The following DNM3 variants were observed in gnomAD, a reference collection of about 807,000 sequenced individuals.
DNM3 encodes the protein dynamin 3.
In DNM3, 47 loss-of-function variants were observed where a neutral mutation model predicts 101.6. That is an observed-to-expected ratio of 0.46 (90% CI 0.37 to 0.59). The LOEUF is 0.59. Ranked by LOEUF, DNM3 falls within the 20% of genes least tolerant of loss-of-function variation. The pLI is 0.00. For synonymous variants in DNM3, 385 were observed against 387.9 expected (o/e 0.99, Z 0.09); for missense variants, 849 against 1,085.7 (o/e 0.78, Z 3.06).
At chr1:171,854,888 T>G (rs1199657416) in intron 1 of DNM3, among the ~76,000 whole-genome samples, 1 of 152,052 alleles carries the variant, frequency 6.6e-6, no homozygotes, top group Non-Finnish European at 1.5e-5. Context: ...TTTTTAAAAA[T>G]TATTATTTTA....
chr1:172,399,020 T>C (rs2070251208), intron 20 of DNM3, among the ~76,000 whole-genome samples: 1 of 152,156 alleles, frequency 6.6e-6, no homozygotes, highest in Non-Finnish European at 1.5e-5. Context: ...CTGTCCAAAA[T>C]GGAAAGGCTT....
chr1:172,132,922 C>A, intron 14 of DNM3: 1 of 1,319,788 alleles, frequency 7.6e-7, no homozygotes, highest in Admixed American at 2.0e-5. Flanking sequence ...ACCAACTTAC[C>A]AAAGTCACAC....
chr1:172,057,486 A>G (rs1185161221), intron 10 of DNM3, among the ~76,000 whole-genome samples: 2 of 152,272 alleles, frequency 1.3e-5, no homozygotes, highest in Non-Finnish European at 1.5e-5. Flanking sequence ...TCAGACTAAC[A>G]GCGGATCTCT....
intron 16 of DNM3, among the ~76,000 whole-genome samples, chr1:172,319,933 A>G (rs1473421668): frequency 2.0e-5 from 3 of 152,100 alleles, no homozygotes; most frequent in African/African-American, 4.8e-5. Flanking sequence ...ACATGCACAC[A>G]TATGTTTATT....
intron 13 of DNM3, chr1:172,093,607 C>T: frequency 3.4e-6 from 4 of 1,172,506 alleles, no homozygotes; most frequent in East Asian, 5.0e-5. Context: ...ATTTTTTTCC[C>T]ATTGTTTTGA....
At chr1:172,114,339 CAT>C (rs1386832165) in intron 13 of DNM3, among the ~76,000 whole-genome samples, 5 of 152,168 alleles carry the variant, frequency 3.3e-5, no homozygotes, top group Non-Finnish European at 5.9e-5. Flanking sequence ...GCGGCTGAAA[CAT>C]GTGGCAAAGA....
chr1:172,127,892 G>A (rs1004760524), intron 13 of DNM3, among the ~76,000 whole-genome samples: 1 of 152,224 alleles, frequency 6.6e-6, no homozygotes, highest in African/African-American at 2.4e-5. Context: ...CCCAGTCACT[G>A]TCTCCATTTT....
chr1:171,852,389 T>A (rs1295053871), intron 1 of DNM3, among the ~76,000 whole-genome samples: 1 of 152,224 alleles, frequency 6.6e-6, no homozygotes, highest in Admixed American at 6.5e-5. Context: ...GATGGATTTG[T>A]CCATTTACTG....
rs557514074 is a variant in DNM3, at chr1:171,906,452, G to A, written c.162-15296G>A. Among the ~76,000 whole-genome samples the A allele has an allele frequency of 4.7e-4, 70 of 150,134 alleles. 1 individual carries two copies. The highest frequency in any genetic ancestry group is 1.6e-3 in the African/African-American group (66 of 40,912). ...CAACAAAACTTTTTTTTTTTTGCCC[G>A]ACCCCCAGCAACAAAACTTTTGATT... On this transcript the variant is annotated intron_variant, in intron 1 of 20. Coordinates refer to ENST00000627582, the MANE Select transcript of DNM3 (RefSeq NM_015569.5).
At chr1:171,858,209 A>G (rs2033814358) in intron 1 of DNM3, among the ~76,000 whole-genome samples, 1 of 152,188 alleles carries the variant, frequency 6.6e-6, no homozygotes, top group African/African-American at 2.4e-5. Context: ...AGTGAGGATC[A>G]TGTGTTTAAG....
rs539279558 is a variant in DNM3, at chr1:171,862,379, A to G, written c.161+20562A>G. 1.5e-4 allele frequency among the ~76,000 whole-genome samples: 23 copies of G among 152,344 alleles called. No homozygotes were observed. In the South Asian group the frequency reaches 2.3e-3, roughly 15 times the overall value. On this transcript the variant is annotated intron_variant, in intron 1 of 20. Coordinates refer to ENST00000627582, the MANE Select transcript of DNM3 (RefSeq NM_015569.5). ...AATGAATAAACAAAATGTGACATAC[A>G]TTGAATACAATGGAGTATTATTGAG...
intron 14 of DNM3, among the ~76,000 whole-genome samples, chr1:172,133,783 G>T (rs2057069829): frequency 6.6e-6 from 1 of 152,102 alleles, no homozygotes; most frequent in Non-Finnish European, 1.5e-5. Context: ...TCCAGGTAGA[G>T]GGAACAGTAA....
chr1:172,102,615 G>A (rs1038227757), intron 13 of DNM3, among the ~76,000 whole-genome samples: 2 of 152,054 alleles, frequency 1.3e-5, no homozygotes, highest in African/African-American at 4.8e-5. Flanking sequence ...CCTTCAATAG[G>A]CAGAATCTAG....
At chr1:172,062,891 C>T (rs2051354485) in intron 10 of DNM3, among the ~76,000 whole-genome samples, 1 of 152,100 alleles carries the variant, frequency 6.6e-6, no homozygotes, top group Non-Finnish European at 1.5e-5. Flanking sequence ...CAGATGACTG[C>T]CTTCTCATAT....
At chr1:172,366,119 G>A (rs981982556) in intron 17 of DNM3, among the ~76,000 whole-genome samples, 13 of 151,744 alleles carry the variant, frequency 8.6e-5, no homozygotes, top group Non-Finnish European at 2.9e-5. Context: ...CTGTAACCCT[G>A]CTACTTGGGA....
intron 11 of DNM3, among the ~76,000 whole-genome samples, chr1:172,072,051 G>A (rs148575777): frequency 2.6e-4 from 40 of 151,976 alleles, no homozygotes; most frequent in African/African-American, 8.7e-4. Flanking sequence ...GTGTGTGAAC[G>A]TCCAAAAGCT....
rs1238048722 is a variant in DNM3, at chr1:172,367,042, C to A, written c.1894-11976C>A. ...ATATTAAGTTCAAAAAGGTCCTCTC[C>A]AAATCACATTATAGTCAAAGTAACA... On this transcript the variant is annotated intron_variant, in intron 17 of 20. Coordinates refer to ENST00000627582, the MANE Select transcript of DNM3 (RefSeq NM_015569.5). 2.6e-5 allele frequency among the ~76,000 whole-genome samples: 4 copies of A among 151,632 alleles called. No individual in the cohort carries two copies. The East Asian group carries it at 7.8e-4, about 29-fold the overall frequency.
At position 171,936,330 on chromosome 1, in the gene DNM3, G is replaced by A. The variant is rs1013962698; in HGVS notation, c.235+14509G>A. ...CACACCACTACACTCCAGCCTAGGTGACAGAGTGAGACTCTGTCTCAAAAA... is the reference window on the plus strand; with the variant it reads ...CACACCACTACACTCCAGCCTAGGTAACAGAGTGAGACTCTGTCTCAAAAA... On this transcript the variant is annotated intron_variant, in intron 2 of 20. Coordinates refer to ENST00000627582, the MANE Select transcript of DNM3 (RefSeq NM_015569.5). 2.7e-5 allele frequency among the ~76,000 whole-genome samples: 4 copies of A among 149,500 alleles called. No homozygotes were observed. In the Admixed American group the frequency reaches 2.7e-4, roughly 10 times the overall value.
intron 17 of DNM3, among the ~76,000 whole-genome samples, chr1:172,323,712 A>T (rs149171310): frequency 6.6e-6 from 1 of 152,350 alleles, no homozygotes; most frequent in East Asian, 1.9e-4. Flanking sequence ...TTGACTAAAA[A>T]TCAAACCTCT....
Sources: allele counts gnomAD v4.1 joint callset (sites outside exome capture counted in the v4.1 genomes callset), GRCh38; gene constraint gnomAD v4.1.1; transcripts MANE v1.5; gene names NCBI Gene and HGNC (gene_info 2026-07-23, HGNC 2026-07-21).